FERRY3: variants seen among roughly 807,000 people sequenced by gnomAD.
FERRY3 encodes FERRY endosomal RAB5 effector complex subunit 3, also known as protein C12orf4.
the FERRY3 span, among the ~76,000 whole-genome samples, chr12:4,493,246 G>T: frequency 1.3e-5 from 2 of 152,192 alleles, no homozygotes; most frequent in Non-Finnish European, 2.9e-5. Flanking sequence ...ATGGGCAGAA[G>T]AATGGGATTT....
the FERRY3 span, chr12:4,509,421 C>G: frequency 2.0e-5 from 3 of 151,776 alleles, no homozygotes; most frequent in African/African-American, 7.5e-5. Context: ...CTGCCTGCCT[C>G]TGTAGGCTCC....
chr12:4,528,917 ACACACAC>A, the FERRY3 span, among the ~76,000 whole-genome samples: 2 of 149,506 alleles, frequency 1.3e-5, no homozygotes, highest in Non-Finnish European at 3.0e-5. Flanking sequence ...ACACACACAC[ACACACAC>A]ACACACACAC....
At chr12:4,534,266 T>G in the FERRY3 span, 2 of 1,611,890 alleles carry the variant, frequency 1.2e-6, no homozygotes, top group South Asian at 2.2e-5. Flanking sequence ...GCTGAGGGAT[T>G]CTTCTTCTAT....
At chr12:4,489,669 A>G in the FERRY3 span, 1 of 586,296 alleles carries the variant, frequency 1.7e-6, no homozygotes, top group East Asian at 2.9e-5. Flanking sequence ...GAATGGTTTC[A>G]CACACATGTA....
the FERRY3 span, among the ~76,000 whole-genome samples, chr12:4,519,656 C>A: frequency 6.6e-6 from 1 of 152,178 alleles, no homozygotes; most frequent in Non-Finnish European, 1.5e-5. This position sits in a 1 kb window ranked among gnomAD's most constrained non-coding sequence, Gnocchi z 4.3. Context: ...GCAGGGGACC[C>A]CAATTCCCCG....
At chr12:4,518,074 A>G in the FERRY3 span, 1 of 1,609,008 alleles carries the variant, frequency 6.2e-7, no homozygotes, top group Non-Finnish European at 8.5e-7. Flanking sequence ...TAATACCACT[A>G]TATGAATTAA....
chr12:4,492,558 T>A, the FERRY3 span, among the ~76,000 whole-genome samples: 5 of 152,238 alleles, frequency 3.3e-5, no homozygotes, highest in Non-Finnish European at 5.9e-5. Flanking sequence ...GCCGTTTACC[T>A]ATTGTTGTAA....
chr12:4,510,974 T>C, the FERRY3 span, among the ~76,000 whole-genome samples: 1 of 152,010 alleles, frequency 6.6e-6, no homozygotes, highest in South Asian at 2.1e-4. Flanking sequence ...GACCCATCAG[T>C]GTGCTGTATT....
chr12:4,516,862 A>AAGTT, the FERRY3 span, among the ~76,000 whole-genome samples: 1 of 152,180 alleles, frequency 6.6e-6, no homozygotes, highest in African/African-American at 2.4e-5. Context: ...CTTAAAGTAA[A>AAGTT]AGTTGAAGGA....
At chr12:4,496,911 CTTTA>C in the FERRY3 span, among the ~76,000 whole-genome samples, 2 of 152,140 alleles carry the variant, frequency 1.3e-5, no homozygotes. Context: ...AATAGTTTGG[CTTTA>C]TTTCTTATTT....
the FERRY3 span, among the ~76,000 whole-genome samples, chr12:4,504,331 T>C: frequency 6.6e-6 from 1 of 152,194 alleles, no homozygotes; most frequent in African/African-American, 2.4e-5. Context: ...TCTGAAACTG[T>C]AAAATGTACC....
the FERRY3 span, among the ~76,000 whole-genome samples, chr12:4,526,358 T>C: frequency 6.6e-6 from 1 of 152,228 alleles, no homozygotes; most frequent in African/African-American, 2.4e-5. Context: ...TTGTTGCCTT[T>C]TCTGTGTGTA....
At chr12:4,489,754 G>C in the FERRY3 span, 3 of 1,313,770 alleles carry the variant, frequency 2.3e-6, no homozygotes, top group Non-Finnish European at 3.2e-6. Context: ...CATAGCACAA[G>C]TTCCTGGAGA....
the FERRY3 span, chr12:4,524,934 TAGAG>T: frequency 5.2e-6 from 1 of 191,162 alleles, no homozygotes; most frequent in Non-Finnish European, 1.1e-5. Flanking sequence ...TTTTTCTGCT[TAGAG>T]AGTGTTTGGC....
the FERRY3 span, among the ~76,000 whole-genome samples, chr12:4,499,810 A>AG: frequency 6.6e-6 from 1 of 152,122 alleles, no homozygotes; most frequent in Non-Finnish European, 1.5e-5. Context: ...GGGTAAGAAG[A>AG]GGGGGTAGGG....
chr12:4,519,057 C>T, the FERRY3 span, among the ~76,000 whole-genome samples: 1 of 152,248 alleles, frequency 6.6e-6, no homozygotes, highest in Admixed American at 6.5e-5. This position sits in a 1 kb window ranked among gnomAD's most constrained non-coding sequence, Gnocchi z 4.3. Context: ...TCTAAAATTC[C>T]CACTTGTTCT....
At chr12:4,518,288 T>C in the FERRY3 span, 1 of 1,591,356 alleles carries the variant, frequency 6.3e-7, no homozygotes, top group African/African-American at 1.3e-5. Context: ...GAAAGATACT[T>C]AAGCAGCTAC....
chr12:4,525,111 T>C, the FERRY3 span: 1 of 988,336 alleles, frequency 1.0e-6, no homozygotes, highest in Admixed American at 2.5e-5. Context: ...ATGCAAAAGG[T>C]GGTAAAAGCA....
chr12:4,536,109 C>T, the FERRY3 span: 2 of 1,609,924 alleles, frequency 1.2e-6, no homozygotes, highest in South Asian at 1.1e-5. Context: ...GAGTGGCACT[C>T]TCAGTTCTAA....
Sources: gnomAD v4.1 joint callset for allele counts (sites outside exome capture counted in the v4.1 genomes callset) on GRCh38, gnomAD v4.1.1 for gene constraint, Gnocchi (gnomAD v3.1) non-coding constraint, MANE v1.5 for transcripts, NCBI Gene and HGNC (gene_info 2026-07-23, HGNC 2026-07-21) for gene names.